The following PRAG1 variants were observed in gnomAD, a reference collection of about 807,000 sequenced individuals.
The protein encoded by PRAG1 is inactive tyrosine-protein kinase PRAG1.
In PRAG1, 110 loss-of-function variants were observed where a neutral mutation model predicts 95.6. The observed-to-expected ratio is 1.15, with a 90% CI of 0.99 to 1.35. The LOEUF (loss-of-function observed/expected upper bound fraction) is 1.35, where lower values mean the gene tolerates loss of function less well. Among genes scored for constraint, PRAG1 ranks in the 40% most tolerant of loss-of-function variants. The pLI is 0.00. For synonymous variants in PRAG1, 1,052 were observed against 819.4 expected (o/e 1.28, Z -4.85); for missense variants, 2,554 against 1,864.7 (o/e 1.37, Z -6.81).
chr8:8,325,872 C>T (rs1003065654), intron 5 of PRAG1, among the ~76,000 whole-genome samples: 2 of 151,728 alleles, frequency 1.3e-5, no homozygotes, highest in Non-Finnish European at 1.5e-5. Flanking sequence ...GAGATCACAC[C>T]ACGTACTCCA....
chr8:8,326,672 G>C (rs958022678), intron 5 of PRAG1, among the ~76,000 whole-genome samples: 11 of 152,214 alleles, frequency 7.2e-5, no homozygotes, highest in African/African-American at 1.7e-4. Context: ...CAGCATCAAA[G>C]GTTAAAGAGC....
At chr8:8,331,171 C>T (rs1470014197) in intron 4 of PRAG1, among the ~76,000 whole-genome samples, 1 of 152,166 alleles carries the variant, frequency 6.6e-6, no homozygotes, top group Non-Finnish European at 1.5e-5. Context: ...GGATTCCTTC[C>T]CATCCCAAGT....
Position 8,319,083 on chromosome 8 carries a change from G to A in PRAG1, c.3292C>T (p.Gln1098Ter). Residue 1098 changes from glutamine to a stop codon, truncating the protein, a stop_gained, in exon 6 of 6, where the codon CAG becomes TAG. Coordinates refer to ENST00000615670, the MANE Select transcript of PRAG1 (RefSeq NM_001080826.3). LOFTEE classifies it high-confidence loss of function. ...TCCCGCACGAAGTCGGAGGCGGTCT[G>A]ATGTGGCACCTCTCGGGTGATGACC... ...VVVITREVPHQTASDFVRDSA... is the reference protein window; with the variant it reads ...VVVITREVPH 1 of 1,611,014 alleles carries A rather than the reference G, an allele frequency of 6.2e-7. No individual in the cohort carries two copies.
chr8:8,373,099 G>C (rs1039363029), intron 3 of PRAG1, among the ~76,000 whole-genome samples: 16 of 152,162 alleles, frequency 1.1e-4, no homozygotes, highest in African/African-American at 3.9e-4. Context: ...TTCCATTTTG[G>C]AAAACTGACA....
intron 3 of PRAG1, among the ~76,000 whole-genome samples, chr8:8,369,852 T>G (rs371990720): frequency 1.3e-5 from 2 of 152,240 alleles, no homozygotes; most frequent in East Asian, 3.9e-4. Context: ...GTGGTGAGAA[T>G]CCAGGTCCTA....
chr8:8,377,404 G>A lies in PRAG1; in HGVS notation c.1005C>T (p.Ala335=), dbSNP rs1181889997. 1 of 1,578,490 alleles carries A rather than the reference G, an allele frequency of 6.3e-7. No homozygotes were observed. The stretch of plus-strand genomic sequence containing the variant: ...CACAAGAGAGGCCGTCGGAAGAAAT[G>A]GCAGCCTCCGAGGTGAGGGACAGTT... ...PKKLSLTSEA[A]ISSDGLSCGS... Residue 335 remains alanine (A), a synonymous_variant, in exon 3 of 6, where the codon GCC becomes GCT. Coordinates refer to ENST00000615670, the MANE Select transcript of PRAG1 (RefSeq NM_001080826.3).
At chr8:8,366,511 A>C (rs1372430453) in intron 3 of PRAG1, among the ~76,000 whole-genome samples, 3 of 151,924 alleles carry the variant, frequency 2.0e-5, no homozygotes, top group Admixed American at 6.6e-5. Context: ...ACAGGGTTTG[A>C]CCATGTTGGC....
chr8:8,325,961 G>T (rs117751803), intron 5 of PRAG1, among the ~76,000 whole-genome samples: 8,098 of 150,702 alleles, frequency 0.054, 353 homozygotes, highest in Non-Finnish European at 0.09. Context: ...TTGTCCCAAG[G>T]GCCCCTTACT....
At chr8:8,373,663 G>A (rs1460978533) in intron 3 of PRAG1, among the ~76,000 whole-genome samples, 1 of 152,116 alleles carries the variant, frequency 6.6e-6, no homozygotes, top group Non-Finnish European at 1.5e-5. Context: ...ATGTTGCCCA[G>A]GTTGGTCTCA....
At chr8:8,367,370 A>G (rs907882259) in intron 3 of PRAG1, among the ~76,000 whole-genome samples, 2 of 136,560 alleles carry the variant, frequency 1.5e-5, no homozygotes, top group East Asian at 5.3e-4. Flanking sequence ...AGGCAGGGGA[A>G]TCGCTTGAAC....
chr8:8,327,416 A>G (rs1348943515), intron 5 of PRAG1, among the ~76,000 whole-genome samples: 5 of 152,192 alleles, frequency 3.3e-5, no homozygotes, highest in Admixed American at 1.3e-4. Context: ...CTAAAAATAC[A>G]AAAATTAGCT....
At chr8:8,369,723 T>C (rs925517205) in intron 3 of PRAG1, among the ~76,000 whole-genome samples, 3 of 151,842 alleles carry the variant, frequency 2.0e-5, no homozygotes, top group African/African-American at 4.8e-5. Context: ...TTTTACAAGC[T>C]TGTACTAATC....
chr8:8,337,697 G>A (rs2117140999), intron 4 of PRAG1, among the ~76,000 whole-genome samples: 1 of 152,244 alleles, frequency 6.6e-6, no homozygotes, highest in East Asian at 1.9e-4. Flanking sequence ...TTGTGATAAA[G>A]GAATACCACG....
chr8:8,341,882 C>T (rs148858438), intron 3 of PRAG1, among the ~76,000 whole-genome samples: 1 of 152,220 alleles, frequency 6.6e-6, no homozygotes, highest in Non-Finnish European at 1.5e-5. Context: ...CCTGTAATCC[C>T]AGCACTTTGG....
At chr8:8,342,242 G>A (rs1215992524) in intron 3 of PRAG1, among the ~76,000 whole-genome samples, 1 of 145,110 alleles carries the variant, frequency 6.9e-6, no homozygotes, top group Non-Finnish European at 1.5e-5. Context: ...TGCCCAGGCT[G>A]GAGTGCAGTG....
rs759862258 is a variant in PRAG1 at position 8,328,323 on chromosome 8, A to C, written c.2459T>G (p.Ile820Arg). 3.7e-6 allele frequency: 6 copies of C among 1,613,240 alleles called. No individual in the cohort carries two copies. The Admixed American group carries it at 6.7e-5, about 18-fold the overall frequency. ...CGGTGAAGAGGCTGCCCGGCTCACT[A>C]TCTTTTTCTGGGGGAGTGGAGGGGG... ...QQPPPLPQKKIVSRAASSPDG... is the reference protein window; with the variant it reads ...QQPPPLPQKKRVSRAASSPDG... Residue 820 changes from isoleucine (I) to arginine (R), a missense_variant, in exon 5 of 6, where the codon ATA becomes AGA. By Grantham distance (97) the Ile-to-Arg change is moderately conservative. Transcript: ENST00000615670.
chr8:8,353,464 T>A (rs1204940703), intron 3 of PRAG1, among the ~76,000 whole-genome samples: 1 of 151,686 alleles, frequency 6.6e-6, no homozygotes, highest in East Asian at 1.9e-4. Flanking sequence ...AACCAGTAGT[T>A]AAAGAAAAAA....
chr8:8,369,628 T>C (rs1400248934), intron 3 of PRAG1, among the ~76,000 whole-genome samples: 1 of 152,106 alleles, frequency 6.6e-6, no homozygotes, highest in Non-Finnish European at 1.5e-5. Flanking sequence ...AGCTCAACCT[T>C]AGGAATTGCA....
intron 3 of PRAG1, among the ~76,000 whole-genome samples, chr8:8,365,610 G>A (rs1018380278): frequency 3.3e-5 from 5 of 151,342 alleles, no homozygotes; most frequent in Non-Finnish European, 4.4e-5. Flanking sequence ...GGCAACAACA[G>A]TGAAACTCCA....
Sources: allele counts gnomAD v4.1 joint callset (sites outside exome capture counted in the v4.1 genomes callset), GRCh38; gene constraint gnomAD v4.1.1; transcripts MANE v1.5; gene names NCBI Gene and HGNC (gene_info 2026-07-23, HGNC 2026-07-21).